The following SMG7 variants were observed in gnomAD, a reference collection of about 807,000 sequenced individuals.
SMG7 encodes the protein nonsense-mediated mRNA decay factor SMG7.
Under a neutral mutation model 148.2 loss-of-function variants are expected in SMG7, and 34 were observed. That is an observed-to-expected ratio of 0.23 (90% CI 0.17 to 0.31). The LOEUF is 0.31. SMG7 is among the 10% of genes least tolerant of loss of function. The pLI, the probability that SMG7 is intolerant of heterozygous loss-of-function variation, is 1.00. For missense variants in SMG7, 1,114 were observed against 1,408.4 expected, an observed-to-expected ratio of 0.79 and a Z score of 3.35; for synonymous variants, 492 against 515.1, an observed-to-expected ratio of 0.96 and a Z score of 0.61.
At chr1:183,510,977 C>G (rs1288610353) in intron 1 of SMG7, among the ~76,000 whole-genome samples, 1 of 150,482 alleles carries the variant, frequency 6.6e-6, no homozygotes, top group Non-Finnish European at 1.5e-5. Flanking sequence ...GGCAACAGAG[C>G]GAGACTCCGT....
In SMG7 at chr1:183,553,299, T is replaced by G. The variant is rs1283763718; in HGVS notation, c.*1368T>G. On this transcript the variant is annotated 3_prime_UTR_variant, in exon 23 of 23. Coordinates refer to ENST00000688051, the MANE Select transcript of SMG7 (RefSeq NM_001375584.1). ...TTCTGTTAGTCATTTCCTGGAAAAG[T>G]AATATTTTAAGGGGAAATTATGGAA... The G allele has an allele frequency of 8.2e-7, 1 of 1,224,640 alleles. No homozygotes were observed. The highest frequency in any genetic ancestry group is 2.6e-5 in the East Asian group (1 of 39,060). The allele number at this position is 1,224,640 out of a possible 1,614,324, so 75.9% of individuals were successfully genotyped here.
intron 1 of SMG7, among the ~76,000 whole-genome samples, chr1:183,493,771 G>A (rs1373532428): frequency 2.0e-5 from 3 of 151,846 alleles, no homozygotes; most frequent in African/African-American, 7.3e-5. Flanking sequence ...GAGTAGAGAC[G>A]GGGTTTCGCT....
intron 1 of SMG7, chr1:183,472,926 T>A: frequency 2.9e-6 from 1 of 349,826 alleles, no homozygotes; most frequent in Non-Finnish European, 5.1e-6. Context: ...GCGCCCTTGG[T>A]CTCGGGTTTG....
intron 13 of SMG7, 73 bp downstream of exon 13, chr1:183,541,176 GCACA>G (rs998213993): frequency 1.3e-5 from 16 of 1,245,078 alleles, no homozygotes; most frequent in Middle Eastern, 1.9e-4. Context: ...ACACGCGCGC[GCACA>G]CACACACATC....
At chr1:183,529,250 T>G in intron 7 of SMG7, 148 bp from the exon 8 acceptor site, 1 of 933,850 alleles carries the variant, frequency 1.1e-6, no homozygotes. Context: ...AGGCTGTTAA[T>G]ACTGACTCAT....
In SMG7 at chr1:183,552,090, A is replaced by ATGTTC; in HGVS notation, c.*160_*164dup. 1 of 1,321,658 alleles carries ATGTTC rather than the reference A, an allele frequency of 7.6e-7. No individual in the cohort carries two copies. The highest frequency in any genetic ancestry group is 9.8e-7 in the Non-Finnish European group (1 of 1,024,290). The allele number at this position is 1,321,658 out of a possible 1,614,324, so 81.9% of individuals were successfully genotyped here. On this transcript the variant is annotated 3_prime_UTR_variant, in exon 23 of 23. Coordinates refer to ENST00000688051, the MANE Select transcript of SMG7 (RefSeq NM_001375584.1). ...CACCAGCCCGCTGAGTGTGCACGAAATGTTCGCAGTGCAACAAAAAGAAAA... is the reference window on the plus strand; with the variant it reads ...CACCAGCCCGCTGAGTGTGCACGAAATGTTCTGTTCGCAGTGCAACAAAAAGAAAA...
chr1:183,529,479 T>TA lies in SMG7; in HGVS notation c.791dup (p.Ser265GlufsTer17). On this transcript the variant is annotated frameshift_variant, in exon 8 of 23. Coordinates refer to ENST00000688051, the MANE Select transcript of SMG7 (RefSeq NM_001375584.1). LOFTEE classifies it high-confidence loss of function. ...AATTCCACGGTCATGTGTACCTGAG[T>TA]AAGAGCTTGGAAAAGTTGAGCCCTC... is the stretch of plus-strand genomic sequence containing the variant. The TA allele has an allele frequency of 6.2e-7, 1 of 1,613,204 alleles. No individual in the cohort carries two copies. The highest frequency in any genetic ancestry group is 8.5e-7 in the Non-Finnish European group (1 of 1,179,302).
chr1:183,502,476 A>G, intron 1 of SMG7: 1 of 1,088,948 alleles, frequency 9.2e-7, no homozygotes, highest in Admixed American at 2.9e-5. Flanking sequence ...ATACTAATAA[A>G]ATTAGAAACT....
chr1:183,512,901 A>G (rs1334101669), intron 2 of SMG7, 33 bp downstream of exon 2: 1 of 1,542,752 alleles, frequency 6.5e-7, no homozygotes, highest in Non-Finnish European at 8.7e-7. Flanking sequence ...TTCACAACAT[A>G]TTTTATATAT....
chr1:183,518,413 G>A (rs371645744), intron 4 of SMG7, among the ~76,000 whole-genome samples: 13 of 152,284 alleles, frequency 8.5e-5, no homozygotes, highest in African/African-American at 3.1e-4. Context: ...GTTACAAGTG[G>A]TATTAGAGGA....
chr1:183,485,595 T>TCC (rs1655249903), intron 1 of SMG7, among the ~76,000 whole-genome samples: 2 of 152,226 alleles, frequency 1.3e-5, no homozygotes, highest in East Asian at 1.9e-4. Context: ...TGGGGAATAT[T>TCC]GAGAACCAGC....
At chr1:183,517,662 C>T in intron 3 of SMG7, 26 bp from the exon 4 acceptor site, 6 of 1,613,152 alleles carry the variant, frequency 3.7e-6, no homozygotes, top group Non-Finnish European at 5.1e-6. Flanking sequence ...ACTGCTATAC[C>T]AAATAGAATT....
At chr1:183,536,956 T>TG (rs1249597879) in intron 10 of SMG7, among the ~76,000 whole-genome samples, 189 bp from the exon 11 acceptor site, 1 of 152,186 alleles carries the variant, frequency 6.6e-6, no homozygotes, top group Non-Finnish European at 1.5e-5. Context: ...TTGTCCCTTT[T>TG]GTTGTATCTT....
At chr1:183,533,031 G>T in intron 8 of SMG7, 133 bp from the exon 9 acceptor site, 1 of 711,964 alleles carries the variant, frequency 1.4e-6, no homozygotes, top group Non-Finnish European at 2.3e-6. Flanking sequence ...TGGGATTGAG[G>T]GCAGAACCAT....
At chr1:183,515,734 C>A in intron 2 of SMG7, 140 bp from the exon 3 acceptor site, 2 of 394,370 alleles carry the variant, frequency 5.1e-6, no homozygotes, top group Non-Finnish European at 9.2e-6. Context: ...TAGTATAAAA[C>A]TTCTGCAGCA....
At position 183,472,528 on chromosome 1, in the gene SMG7, G is replaced by T; in HGVS notation, c.-93G>T. 1 of 1,236,072 alleles carries T rather than the reference G, an allele frequency of 8.1e-7. No individual in the cohort carries two copies. The highest frequency in any genetic ancestry group is 1.1e-6 in the Non-Finnish European group (1 of 947,074). 76.6% of individuals were successfully genotyped at this position (1,236,072 alleles called of 1,614,324 possible). On this transcript the variant is annotated 5_prime_UTR_variant, in exon 1 of 23. Coordinates refer to ENST00000688051, the MANE Select transcript of SMG7 (RefSeq NM_001375584.1). ...AGCCGGAGGAGAGGAAGATGGCGGC[G>T]GCCGCCAGCACCCGCGGTGCCGCGG...
At chr1:183,493,589 TG>T in intron 1 of SMG7, among the ~76,000 whole-genome samples, 1 of 152,356 alleles carries the variant, frequency 6.6e-6, no homozygotes, top group South Asian at 2.1e-4. Flanking sequence ...GTTTTGTTTT[TG>T]TTTTTTATTG....
At chr1:183,473,993 ATT>A in intron 1 of SMG7, 1 of 440,350 alleles carries the variant, frequency 2.3e-6, no homozygotes, top group Non-Finnish European at 3.0e-6. Context: ...ATGATGAGAT[ATT>A]TGAACAATGC....
rs1663850638 is a variant in SMG7 at position 183,517,635 on chromosome 1, TGTCTGCCCAGTGA to T, written c.180-49_180-37del. ...TCTTTCTTGTTCTCAGGGGGACCAG[TGTCTGCCCAGTGA>T]GTCACTGCTATACCAAATAGAATTA... On this transcript the variant is annotated intron_variant, in intron 3 of 22. Transcript: ENST00000688051. 2.5e-6 allele frequency: 4 copies of T among 1,583,230 alleles called. No individual in the cohort carries two copies. In the Middle Eastern group the frequency reaches 5.0e-4, roughly 198 times the overall value.
Sources: allele counts gnomAD v4.1 joint callset (sites outside exome capture counted in the v4.1 genomes callset), GRCh38; gene constraint gnomAD v4.1.1; transcripts MANE v1.5; gene names NCBI Gene and HGNC (gene_info 2026-07-23, HGNC 2026-07-21).